DPP10: variants seen among roughly 807,000 people sequenced by gnomAD.
DPP10 encodes the protein inactive dipeptidyl peptidase 10.
DPP10 carries 33 observed loss-of-function variants against 120.9 expected under a neutral mutation model. The ratio of observed to expected loss-of-function variants is 0.27; its 90% CI spans 0.21 to 0.37. The LOEUF (loss-of-function observed/expected upper bound fraction) is 0.37. DPP10 is among the 10% of genes least tolerant of loss of function. The pLI, the probability that DPP10 is intolerant of heterozygous loss-of-function variation, is 1.00. For synonymous variants in DPP10, 337 were observed against 326.1 expected, an observed-to-expected ratio of 1.03 and a Z score of -0.36; for missense variants, 816 against 942.8, an observed-to-expected ratio of 0.87 and a Z score of 1.76.
Position 115,836,396 on chromosome 2 carries a change from A to C in DPP10, c.2051-111A>C. On this transcript the variant is annotated intron_variant, in intron 22 of 25. Coordinates refer to ENST00000410059, the MANE Select transcript of DPP10 (RefSeq NM_020868.6). ...CAGCTGTTTATCTCCTCCTTGATTC[A>C]GCTGATTTTACTAAAGCATGACAAT... 3 of 1,439,044 alleles carry C rather than the reference A, an allele frequency of 2.1e-6. No homozygotes were observed. The South Asian group carries it at 3.8e-5, about 18-fold the overall frequency. 89.1% of individuals were successfully genotyped at this position (1,439,044 alleles called of 1,614,324 possible).
chr2:115,021,812 G>T (rs541505214), intron 1 of DPP10, among the ~76,000 whole-genome samples: 1 of 152,092 alleles, frequency 6.6e-6, no homozygotes, highest in East Asian at 1.9e-4. Flanking sequence ...ATAATCCACT[G>T]TGATCAAGTG....
chr2:115,642,006 A>G (rs1157787169), intron 5 of DPP10, among the ~76,000 whole-genome samples: 1 of 152,110 alleles, frequency 6.6e-6, no homozygotes, highest in South Asian at 2.1e-4. Context: ...CCTCTTCAAC[A>G]CCCACAGAAA....
chr2:114,878,375 AACCAGGTATTTAGGGTATCTATC>A (rs1558835581), intron 1 of DPP10, among the ~76,000 whole-genome samples: 1 of 152,130 alleles, frequency 6.6e-6, no homozygotes, highest in East Asian at 1.9e-4. Flanking sequence ...GTAATAATCA[AACCAGGTATTTAGGGTATCTATC>A]ACCTCAAACA....
rs368045563 is a variant in DPP10 at position 114,554,940 on chromosome 2, A to C, written c.60+112102A>C. Among the ~76,000 whole-genome samples, 13 of 152,354 alleles carry C rather than the reference A, an allele frequency of 8.5e-5. No homozygotes were observed. In the East Asian group the frequency reaches 2.5e-3, roughly 29 times the overall value. On this transcript the variant is annotated intron_variant, in intron 1 of 25. Transcript: ENST00000410059. ...TAATAAAGAGAAGAGGGGAAGAGCC[A>C]GGAGCACAAGCAGTGTCCACGGGCT... is the stretch of plus-strand genomic sequence containing the variant.
At chr2:115,840,646 C>A in intron 24 of DPP10, 104 bp from the exon 25 acceptor site, 1 of 1,175,766 alleles carries the variant, frequency 8.5e-7, no homozygotes, top group Non-Finnish European at 1.2e-6. Context: ...TTTAAATGTG[C>A]AATGTATGTA....
chr2:115,622,031 G>C (rs1160514398), intron 5 of DPP10, among the ~76,000 whole-genome samples: 2 of 152,120 alleles, frequency 1.3e-5, no homozygotes, highest in African/African-American at 4.8e-5. Flanking sequence ...CTGCTATAAA[G>C]TTACTCATTT....
intron 1 of DPP10, among the ~76,000 whole-genome samples, chr2:114,563,083 C>T (rs1263850949): frequency 6.6e-6 from 1 of 152,136 alleles, no homozygotes; most frequent in Non-Finnish European, 1.5e-5. Flanking sequence ...ATTAAGAACA[C>T]ATAAAACTGG....
chr2:115,540,646 G>A (rs992967805), intron 5 of DPP10, among the ~76,000 whole-genome samples: 1 of 151,816 alleles, frequency 6.6e-6, no homozygotes, highest in Admixed American at 6.6e-5. Flanking sequence ...AACTAGTTTT[G>A]CACCTATAAT....
intron 5 of DPP10, among the ~76,000 whole-genome samples, chr2:115,667,161 G>C (rs2089518024): frequency 6.6e-6 from 1 of 152,106 alleles, no homozygotes; most frequent in South Asian, 2.1e-4. Flanking sequence ...CTTTCAAAAA[G>C]TGTTTGTTCA....
intron 3 of DPP10, among the ~76,000 whole-genome samples, chr2:115,385,320 A>G (rs536554260): frequency 3.3e-5 from 5 of 150,738 alleles, no homozygotes; most frequent in Admixed American, 2.0e-4. Flanking sequence ...CGTTAGACCA[A>G]TCCCTTTTGT....
chr2:114,601,233 T>A (rs1467423645), intron 1 of DPP10, among the ~76,000 whole-genome samples: 1 of 151,896 alleles, frequency 6.6e-6, no homozygotes, highest in Non-Finnish European at 1.5e-5. Context: ...AGAGACTGGT[T>A]AGTGTATTAT....
chr2:115,163,041 G>T (rs2052551325), intron 1 of DPP10, among the ~76,000 whole-genome samples: 1 of 152,134 alleles, frequency 6.6e-6, no homozygotes, highest in Non-Finnish European at 1.5e-5. Context: ...GGACCCGCGG[G>T]ACCCAAGCGC....
chr2:115,743,857 AAG>A (rs1170976431), intron 9 of DPP10, among the ~76,000 whole-genome samples: 1 of 150,532 alleles, frequency 6.6e-6, no homozygotes, highest in African/African-American at 2.4e-5. Context: ...CTTACACATT[AAG>A]CTAAGCCTGT....
intron 1 of DPP10, among the ~76,000 whole-genome samples, chr2:115,204,348 A>T (rs990716136): frequency 3.3e-5 from 5 of 152,144 alleles, no homozygotes; most frequent in African/African-American, 1.2e-4. Context: ...TTGTCCTTAG[A>T]ATTCACGGGA....
At chr2:114,898,750 C>G (rs1189094408) in intron 1 of DPP10, among the ~76,000 whole-genome samples, 1 of 152,188 alleles carries the variant, frequency 6.6e-6, no homozygotes, top group African/African-American at 2.4e-5. Flanking sequence ...GAATGCAGCT[C>G]TCAAAGATAT....
At chr2:114,988,047 G>A (rs1394268831) in intron 1 of DPP10, among the ~76,000 whole-genome samples, 5 of 151,638 alleles carry the variant, frequency 3.3e-5, no homozygotes, top group African/African-American at 4.8e-5. Flanking sequence ...CTCGTGATCC[G>A]CCCGCCTCGG....
chr2:114,608,525 A>G (rs1236986609), intron 1 of DPP10, among the ~76,000 whole-genome samples: 1 of 152,106 alleles, frequency 6.6e-6, no homozygotes, highest in African/African-American at 2.4e-5. Flanking sequence ...GATCTTCACA[A>G]CCCTAAGATA....
chr2:114,726,767 A>G (rs1260715082), intron 1 of DPP10, among the ~76,000 whole-genome samples: 1 of 152,210 alleles, frequency 6.6e-6, no homozygotes, highest in Admixed American at 6.5e-5. Flanking sequence ...TGTAGTTTGA[A>G]TTGTGCAGGA....
At chr2:115,179,199 C>T (rs2053909001) in intron 1 of DPP10, among the ~76,000 whole-genome samples, 1 of 152,052 alleles carries the variant, frequency 6.6e-6, no homozygotes, top group African/African-American at 2.4e-5. Flanking sequence ...ATAAGATATT[C>T]ATGTTAAGGA....
Sources: allele counts gnomAD v4.1 joint callset (sites outside exome capture counted in the v4.1 genomes callset), GRCh38; gene constraint gnomAD v4.1.1; transcripts MANE v1.5; gene names NCBI Gene and HGNC (gene_info 2026-07-23, HGNC 2026-07-21).